The following TRUB2 variants were observed in gnomAD, a reference collection of about 807,000 sequenced individuals.
TRUB2 encodes pseudouridylate synthase TRUB2, mitochondrial.
Under a neutral mutation model 31.9 loss-of-function variants are expected in TRUB2, and 31 were observed. The ratio of observed to expected loss-of-function variants is 0.97; its 90% CI spans 0.73 to 1.31. TRUB2 has a LOEUF of 1.31. TRUB2 is among the 50% of genes most tolerant of loss of function. The probability of loss-of-function intolerance (pLI) is 0.00; values close to 1 mark genes in which losing one functional copy is unlikely to be tolerated. For missense variants in TRUB2, 451 were observed against 439.6 expected, an observed-to-expected ratio of 1.03 and a Z score of -0.23; for synonymous variants, 201 against 182.6, an observed-to-expected ratio of 1.10 and a Z score of -0.81.
intron 3 of TRUB2, chr9:128,315,903 G>A: frequency 2.1e-6 from 1 of 483,444 alleles, no homozygotes; most frequent in African/African-American, 1.9e-5. Context: ...ACACCTGAGA[G>A]GAAGAGATCC....
chr9:128,321,368 T>C (rs1204006638), intron 2 of TRUB2, among the ~76,000 whole-genome samples: 1 of 152,224 alleles, frequency 6.6e-6, no homozygotes, highest in African/African-American at 2.4e-5. Flanking sequence ...CTATAGCTGT[T>C]TGGCACTACA....
chr9:128,322,005 A>G (rs1832192707), intron 1 of TRUB2, among the ~76,000 whole-genome samples: 1 of 152,222 alleles, frequency 6.6e-6, no homozygotes, highest in Non-Finnish European at 1.5e-5. Context: ...ATGATGTAGA[A>G]GACAAAGCAG....
At chr9:128,312,591 C>T (rs983885836) in intron 5 of TRUB2, among the ~76,000 whole-genome samples, 18 of 150,828 alleles carry the variant, frequency 1.2e-4, no homozygotes, top group African/African-American at 3.9e-4. Flanking sequence ...CTACCATGCC[C>T]GGCTAATTTT....
chr9:128,320,752 C>A (rs1321661278), intron 2 of TRUB2, among the ~76,000 whole-genome samples: 1 of 152,344 alleles, frequency 6.6e-6, no homozygotes, highest in East Asian at 1.9e-4. Flanking sequence ...GCATGAGCCA[C>A]CAGGCCTGGC....
At chr9:128,313,917 T>C in intron 4 of TRUB2, 28 bp from the exon 5 acceptor site, 1 of 1,608,234 alleles carries the variant, frequency 6.2e-7, no homozygotes, top group Non-Finnish European at 8.5e-7. Flanking sequence ...TAAAGATCCG[T>C]CAGTGACCCC....
rs1467668255 is a variant in TRUB2, at chr9:128,308,294, G to A, written c.*1256C>T. ...CACGGCTGTAATCCCAGTACTTTGG[G>A]AGGCCAAGCCAGGCGGATCACGAGG... On this transcript the variant is annotated 3_prime_UTR_variant, in exon 8 of 8. Coordinates refer to ENST00000372890, the MANE Select transcript of TRUB2 (RefSeq NM_015679.3). 6.6e-6 allele frequency: 1 copy of A among 152,086 alleles called. No homozygotes were observed. The highest frequency in any genetic ancestry group is 1.5e-5 in the Non-Finnish European group (1 of 68,096). The allele number at this position is 152,086 out of a possible 1,614,324, so 9.4% of individuals were successfully genotyped here.
At chr9:128,315,052 C>T (rs556254547) in intron 4 of TRUB2, among the ~76,000 whole-genome samples, 4 of 152,274 alleles carry the variant, frequency 2.6e-5, no homozygotes, top group East Asian at 3.9e-4. Flanking sequence ...GTGGCACCTG[C>T]GTACATACTT....
intron 2 of TRUB2, among the ~76,000 whole-genome samples, chr9:128,318,470 A>T (rs1049212128): frequency 6.6e-6 from 1 of 152,068 alleles, no homozygotes. Flanking sequence ...AGCAAACTAC[A>T]GTCCACAAGT....
chr9:128,309,339 C>A lies in TRUB2; in HGVS notation c.*211G>T. ...ACCACGCCTGGTCTGCCAATACTTT[C>A]TATCAGTCTGTCATGTTTACTGTCT... On this transcript the variant is annotated 3_prime_UTR_variant, in exon 8 of 8. Coordinates refer to ENST00000372890, the MANE Select transcript of TRUB2 (RefSeq NM_015679.3). 1 of 579,862 alleles carries A rather than the reference C, an allele frequency of 1.7e-6. No individual in the cohort carries two copies. The highest frequency in any genetic ancestry group is 3.0e-6 in the Non-Finnish European group (1 of 328,642). 35.9% of individuals were successfully genotyped at this position (579,862 alleles called of 1,614,324 possible). A position where few individuals can be genotyped will look rare whatever the true frequency, so the allele number is the denominator to read the frequency against.
At chr9:128,321,958 C>T (rs1832191051) in intron 1 of TRUB2, among the ~76,000 whole-genome samples, 1 of 152,136 alleles carries the variant, frequency 6.6e-6, no homozygotes, top group African/African-American at 2.4e-5. Context: ...ATATCTTGTT[C>T]TGTCCAAACA....
chr9:128,316,386 C>CT (rs2131450943), intron 3 of TRUB2: 2 of 151,724 alleles, frequency 1.3e-5, no homozygotes, highest in East Asian at 3.9e-4. Context: ...GAGCAAGACT[C>CT]TGTCTCAGGA....
chr9:128,311,456 C>G, intron 6 of TRUB2, 73 bp downstream of exon 6: 1 of 1,455,280 alleles, frequency 6.9e-7, no homozygotes, highest in Non-Finnish European at 9.6e-7. Flanking sequence ...GAATCTGCCC[C>G]AGGTTTGGGG....
chr9:128,309,839 C>G lies in TRUB2; in HGVS notation c.707G>C (p.Arg236Pro). ...QCMHETQKEL[R>P]KLVHEIGLEL... ...CAGGCCGATTTCATGAACCAACTTCCGCAGCTCTTTCTGCGTCTCATGCAT... is the reference window on the plus strand; with the variant it reads ...CAGGCCGATTTCATGAACCAACTTCGGCAGCTCTTTCTGCGTCTCATGCAT... Residue 236 changes from arginine to proline, a missense_variant, in exon 8 of 8, where the codon CGG becomes CCG. Physicochemically the swap from Arg to Pro is moderately radical, Grantham distance 103. Transcript: ENST00000372890. The G allele has an allele frequency of 6.2e-7, 1 of 1,614,170 alleles. No homozygotes were observed. The highest frequency in any genetic ancestry group is 8.5e-7 in the Non-Finnish European group (1 of 1,180,018).
rs376494829 is a variant in TRUB2 at position 128,309,589 on chromosome 9, C to A, written c.957G>T (p.Pro319=). ...SPGWSWDSQG[P]SSTLGLERGA... is the part of the protein sequence containing the mutation. ...CCCTCTCCAGCCCCAAGGTAGAGCTCGGGCCCTGGGAGTCCCAGGACCATC... is the reference window on the plus strand; with the variant it reads ...CCCTCTCCAGCCCCAAGGTAGAGCTAGGGCCCTGGGAGTCCCAGGACCATC... The change falls in exon 8 of 8, where the codon CCG becomes CCT. Residue 319 remains proline, a synonymous_variant. Transcript: ENST00000372890. 3 of 1,613,586 alleles carry A rather than the reference C, an allele frequency of 1.9e-6. No homozygotes were observed. Among genetic ancestry groups the A allele is most frequent in the Middle Eastern group, 1.7e-4 (1 of 5,976 alleles).
chr9:128,318,310 C>T (rs979286184), intron 2 of TRUB2, among the ~76,000 whole-genome samples: 1 of 152,108 alleles, frequency 6.6e-6, no homozygotes, highest in Non-Finnish European at 1.5e-5. Context: ...CACCACTGCA[C>T]TCCAGACTCC....
intron 2 of TRUB2, among the ~76,000 whole-genome samples, chr9:128,319,985 C>T (rs1468710788): frequency 6.6e-6 from 1 of 151,174 alleles, no homozygotes; most frequent in Admixed American, 6.6e-5. Context: ...GCACGATCTC[C>T]GCTCACTGCA....
At position 128,311,600 on chromosome 9, in the gene TRUB2, G is replaced by A; in HGVS notation, c.462C>T (p.Asp154=). 1 of 1,614,032 alleles carries A rather than the reference G, an allele frequency of 6.2e-7. No homozygotes were observed. Among genetic ancestry groups the A allele is most frequent in the Non-Finnish European group, 8.5e-7 (1 of 1,179,980 alleles). The change falls in exon 6 of 8, where the codon GAC becomes GAT. Residue 154 remains aspartate, a splice_region_variant and synonymous_variant. Transcript: ENST00000372890. ...GGTCCAGCTTCTCTCTGGTCACGTG[G>A]TCTGGAAAAGGCAGGGGGTTGTCAA... ...DGRLVEKTTY[D]HVTREKLDRI...
In TRUB2 at chr9:128,307,438, T is replaced by TA. The variant is rs137948800; in HGVS notation, c.*2111dup. On this transcript the variant is annotated 3_prime_UTR_variant, in exon 8 of 8. Transcript: ENST00000372890. ...CTGGGTGACAGAGCAAGACTCTGTC[T>TA]AAAAAAAACAGGCCGGAAACAGTGG... The TA allele has an allele frequency of 0.14, 21,214 of 150,992 alleles. 1,540 individuals are homozygous for TA. The highest frequency in any genetic ancestry group is 0.21 in the East Asian group (1,074 of 5,042). The allele number at this position is 150,992 out of a possible 1,614,324, so 9.4% of individuals were successfully genotyped here. A position where few individuals can be genotyped will look rare whatever the true frequency, so the allele number is the denominator to read the frequency against.
chr9:128,318,500 CTG>C (rs908588731), intron 2 of TRUB2, among the ~76,000 whole-genome samples: 5 of 151,710 alleles, frequency 3.3e-5, no homozygotes, highest in Non-Finnish European at 5.9e-5. Flanking sequence ...AGACTGAAGA[CTG>C]TTTTTTTTTT....
Sources: gnomAD v4.1 joint callset for allele counts (sites outside exome capture counted in the v4.1 genomes callset) on GRCh38, gnomAD v4.1.1 for gene constraint, MANE v1.5 for transcripts, NCBI Gene and HGNC (gene_info 2026-07-23, HGNC 2026-07-21) for gene names.